The following APCDD1L variants were observed in gnomAD, a reference collection of about 807,000 sequenced individuals.
APCDD1L encodes the protein APC down-regulated 1 like, also known as protein APCDD1-like.
A neutral mutation model predicts 24.2 loss-of-function variants in APCDD1L; 21 were observed. The ratio of observed to expected loss-of-function variants is 0.87; its 90% CI spans 0.61 to 1.25. The LOEUF (loss-of-function observed/expected upper bound fraction) is 1.25. Ranked by LOEUF, APCDD1L falls within the 50% of genes most tolerant of loss-of-function variation. The pLI, the probability that APCDD1L is intolerant of heterozygous loss-of-function variation, is 0.00. For synonymous variants in APCDD1L, 321 were observed against 323.6 expected, an observed-to-expected ratio of 0.99 and a Z score of 0.09; for missense variants, 704 against 711.7, an observed-to-expected ratio of 0.99 and a Z score of 0.12.
At chr20:58,463,202 CGAA>C (rs1568733164) in intron 3 of APCDD1L, among the ~76,000 whole-genome samples, 1 of 151,002 alleles carries the variant, frequency 6.6e-6, no homozygotes, top group African/African-American at 2.4e-5. Flanking sequence ...TAAGTCTGCG[CGAA>C]GGAGATAGTT....
chr20:58,504,280 G>A (rs1281063001), intron 1 of APCDD1L, among the ~76,000 whole-genome samples: 1 of 152,162 alleles, frequency 6.6e-6, no homozygotes, highest in Admixed American at 6.5e-5. Flanking sequence ...TCTGTGATGA[G>A]CAAGAGGTCT....
chr20:58,514,062 A>G (rs961267267), intron 1 of APCDD1L: 1 of 864,880 alleles, frequency 1.2e-6, no homozygotes, highest in African/African-American at 1.8e-5. Context: ...ACGAAGAGCC[A>G]CCAGGGAACC....
intron 2 of APCDD1L, among the ~76,000 whole-genome samples, chr20:58,468,062 G>A (rs1055408522): frequency 1.3e-5 from 2 of 152,062 alleles, no homozygotes; most frequent in African/African-American, 2.4e-5. Context: ...ATGGAGGCCC[G>A]TCTTGTCTCC....
chr20:58,515,360 C>T lies in APCDD1L; in HGVS notation c.-653G>A, dbSNP rs139194776. On this transcript the variant is annotated 5_prime_UTR_variant, in exon 1 of 4. In the 5' UTR this introduces an upstream ATG that the reference lacks. Transcript: ENST00000371149. ...CCTCTGTCTGTAAATGAGGCCGTCA[C>T]CCGCTCCCCACCACACCCAAACGCA... 10 of 346,714 alleles carry T rather than the reference C, an allele frequency of 2.9e-5. No individual in the cohort carries two copies. Among genetic ancestry groups the T allele is most frequent in the African/African-American group, 1.9e-4 (9 of 47,684 alleles). 21.5% of individuals were successfully genotyped at this position (346,714 alleles called of 1,614,324 possible).
rs748068500 is a variant in APCDD1L, at chr20:58,467,425, G to A, written c.422C>T (p.Ala141Val). 1.4e-4 allele frequency: 223 copies of A among 1,563,790 alleles called. 1 individual carries two copies. The highest frequency in any genetic ancestry group is 1.9e-4 in the Non-Finnish European group (216 of 1,157,362). The change falls in exon 3 of 4, where the codon GCC (alanine) becomes GTC (valine). Residue 141 changes from alanine to valine, a missense_variant. Transcript: ENST00000371149. The surrounding 1 kb of genome is among the most constrained non-coding windows in gnomAD (Gnocchi z 5.9). ...KVGIVFHSRR[A>V]LVDVTGRLNQ... ...GAGGCGCCCGGTGACGTCGACCAGG[G>A]CCCGGCGGCTGTGGAAGACGATGCC...
chr20:58,464,944 A>T (rs1438733798), intron 3 of APCDD1L, among the ~76,000 whole-genome samples: 1 of 151,194 alleles, frequency 6.6e-6, no homozygotes, highest in Non-Finnish European at 1.5e-5. Flanking sequence ...TCATCACTGC[A>T]TACATTTCTA....
chr20:58,512,356 A>G (rs1188771603), intron 1 of APCDD1L, among the ~76,000 whole-genome samples: 1 of 152,218 alleles, frequency 6.6e-6, no homozygotes, highest in Non-Finnish European at 1.5e-5. Context: ...GTGATTCTCA[A>G]CTGGGGGCCA....
chr20:58,471,272 A>G (rs560812364), intron 1 of APCDD1L, among the ~76,000 whole-genome samples: 1 of 152,312 alleles, frequency 6.6e-6, no homozygotes, highest in South Asian at 2.1e-4. Context: ...CCCGGCACAC[A>G]GCAGGCCCCT....
chr20:58,470,849 C>T, intron 1 of APCDD1L, 102 bp from the exon 2 acceptor site: 1 of 1,438,324 alleles, frequency 7.0e-7, no homozygotes, highest in Non-Finnish European at 9.1e-7. Context: ...CCAGGCAGGG[C>T]TGTCCCGCAA....
chr20:58,514,810 T>TG lies in APCDD1L; in HGVS notation c.-104dup. The TG allele has an allele frequency of 1.0e-6, 1 of 970,184 alleles. No homozygotes were observed. The highest frequency in any genetic ancestry group is 1.4e-6 in the Non-Finnish European group (1 of 739,060). 60.1% of individuals were successfully genotyped at this position (970,184 alleles called of 1,614,324 possible). A position where few individuals can be genotyped will look rare whatever the true frequency, so the allele number is the denominator to read the frequency against. On this transcript the variant is annotated 5_prime_UTR_variant, in exon 1 of 4. Coordinates refer to ENST00000371149, the MANE Select transcript of APCDD1L (RefSeq NM_153360.3). ...CGGCTGCGGGCGCCGGCGGCCAGGC[T>TG]GGAGTCCTGCGAAGAAGTTGCGAGG...
chr20:58,464,084 G>A (rs1405135411), intron 3 of APCDD1L, among the ~76,000 whole-genome samples: 2 of 152,258 alleles, frequency 1.3e-5, no homozygotes, highest in Admixed American at 6.5e-5. Context: ...GAGCAAGCAA[G>A]CTTGATAGTT....
intron 1 of APCDD1L, among the ~76,000 whole-genome samples, chr20:58,495,295 A>G (rs1990300155): frequency 6.6e-6 from 1 of 152,240 alleles, no homozygotes; most frequent in Non-Finnish European, 1.5e-5. Context: ...TTTCAAGACG[A>G]TGATGGCAGA....
chr20:58,475,147 G>C (rs140812552), intron 1 of APCDD1L, among the ~76,000 whole-genome samples: 38 of 152,314 alleles, frequency 2.5e-4, no homozygotes, highest in African/African-American at 8.9e-4. Context: ...GAGAGAAGAG[G>C]GTGGAGAAAA....
intron 1 of APCDD1L, among the ~76,000 whole-genome samples, chr20:58,472,129 G>T (rs1326513957): frequency 6.6e-6 from 1 of 152,190 alleles, no homozygotes; most frequent in Non-Finnish European, 1.5e-5. Context: ...GGAAAATGAG[G>T]CAGAGTGGAT....
At chr20:58,482,201 T>C (rs958317467) in intron 1 of APCDD1L, among the ~76,000 whole-genome samples, 7 of 152,220 alleles carry the variant, frequency 4.6e-5, no homozygotes, top group Non-Finnish European at 5.9e-5. Context: ...GATATTTCCC[T>C]AGAGTGCAAT....
chr20:58,481,361 A>G (rs529665997), intron 1 of APCDD1L, among the ~76,000 whole-genome samples: 2 of 152,348 alleles, frequency 1.3e-5, no homozygotes, highest in African/African-American at 4.8e-5. Context: ...GTGTTCGTAT[A>G]CATCATGGCG....
In APCDD1L at chr20:58,467,236, C is replaced by T. The variant is rs377000764; in HGVS notation, c.611G>A (p.Arg204His). The T allele has an allele frequency of 3.9e-5, 62 of 1,593,472 alleles. No individual in the cohort carries two copies. In the East Asian group the frequency reaches 1.0e-3, roughly 26 times the overall value. ...CGACGCCCGGGGCTGCGGCTGCAGGCGGCGCTGCACGCGGACCAGGCTGAG... is the reference window on the plus strand; with the variant it reads ...CGACGCCCGGGGCTGCGGCTGCAGGTGGCGCTGCACGCGGACCAGGCTGAG... ...HELSLVRVQR[R>H]LQPQPRASPR... The change falls in exon 3 of 4, where the codon CGC becomes CAC. Residue 204 changes from arginine to histidine, a missense_variant. By Grantham distance (29) the Arg-to-His change is conservative (BLOSUM62 0). Coordinates refer to ENST00000371149, the MANE Select transcript of APCDD1L (RefSeq NM_153360.3). This position sits in a 1 kb window ranked among gnomAD's most constrained non-coding sequence, Gnocchi z 5.9.
chr20:58,481,674 G>A (rs1305706568), intron 1 of APCDD1L, among the ~76,000 whole-genome samples: 1 of 152,162 alleles, frequency 6.6e-6, no homozygotes, highest in East Asian at 1.9e-4. Context: ...TCCACAAGGG[G>A]GCCCTCTTGA....
chr20:58,509,023 C>T (rs1379260978), intron 1 of APCDD1L, among the ~76,000 whole-genome samples: 1 of 145,294 alleles, frequency 6.9e-6, no homozygotes, highest in African/African-American at 2.6e-5. Context: ...TGTGTGGAGT[C>T]AACGAGTCAA....
Sources: gnomAD v4.1 joint callset for allele counts (sites outside exome capture counted in the v4.1 genomes callset) on GRCh38, gnomAD v4.1.1 for gene constraint, Gnocchi (gnomAD v3.1) non-coding constraint, MANE v1.5 for transcripts, NCBI Gene and HGNC (gene_info 2026-07-23, HGNC 2026-07-21) for gene names.